GLMN: variants seen among roughly 807,000 people sequenced by gnomAD.
GLMN encodes glomulin, FKBP associated protein, also known as glomulin.
Under a neutral mutation model 87.8 loss-of-function variants are expected in GLMN, and 75 were observed. That is an observed-to-expected ratio of 0.85 (90% confidence interval 0.71 to 1.04). The LOEUF is 1.04. Ranked by LOEUF, GLMN falls within the 50% of genes least tolerant of loss-of-function variation. GLMN has a pLI of 0.00. For synonymous variants in GLMN, 206 were observed against 221.6 expected, an observed-to-expected ratio of 0.93 and a Z score of 0.63; for missense variants, 588 against 658.8, an observed-to-expected ratio of 0.89 and a Z score of 1.18.
intron 6 of GLMN, among the ~76,000 whole-genome samples, chr1:92,287,587 A>G (rs1363115264): frequency 2.0e-5 from 3 of 151,868 alleles, no homozygotes; most frequent in African/African-American, 7.3e-5. Flanking sequence ...GCAATCTCCC[A>G]GCTTGACCTC....
chr1:92,253,757 C>A (rs1018369908), intron 16 of GLMN, among the ~76,000 whole-genome samples: 10 of 152,190 alleles, frequency 6.6e-5, no homozygotes, highest in Non-Finnish European at 1.0e-4. Context: ...AGCAAAAACT[C>A]CACCCAAAGG....
chr1:92,348,324 T>G, the GLMN span, among the ~76,000 whole-genome samples: 500 of 152,384 alleles, frequency 3.3e-3, 7 homozygotes, highest in Non-Finnish European at 4.4e-3. Context: ...ATTGGTCAAC[T>G]GGACAACTAA....
the GLMN span, among the ~76,000 whole-genome samples, chr1:92,363,023 T>A: frequency 6.6e-6 from 1 of 152,302 alleles, no homozygotes; most frequent in East Asian, 1.9e-4. Flanking sequence ...GATAGAAGGT[T>A]ATACATTGAA....
chr1:92,292,247 CCTT>C (rs1458561454), intron 3 of GLMN, among the ~76,000 whole-genome samples: 1 of 55,510 alleles, frequency 1.8e-5, no homozygotes, highest in African/African-American at 1.4e-4. Flanking sequence ...CTCCTAGAGT[CCTT>C]CTTTAAAAGC....
the GLMN span, among the ~76,000 whole-genome samples, chr1:92,358,085 G>A: frequency 2.0e-5 from 3 of 152,106 alleles, no homozygotes; most frequent in African/African-American, 7.2e-5. Context: ...CTGTGTTTTA[G>A]GAAGGTTAGT....
intron 14 of GLMN, among the ~76,000 whole-genome samples, 189 bp downstream of exon 14, chr1:92,264,365 T>C (rs762836397): frequency 2.0e-5 from 3 of 152,028 alleles, no homozygotes; most frequent in African/African-American, 4.8e-5. Flanking sequence ...TTTAAACTTA[T>C]AGTTAACTAA....
chr1:92,343,622 T>G, the GLMN span, among the ~76,000 whole-genome samples: 3 of 152,218 alleles, frequency 2.0e-5, no homozygotes, highest in African/African-American at 7.2e-5. Context: ...TATAATTAAT[T>G]TATTCAAAAA....
At chr1:92,332,068 T>C in the GLMN span, among the ~76,000 whole-genome samples, 1 of 152,020 alleles carries the variant, frequency 6.6e-6, no homozygotes, top group Non-Finnish European at 1.5e-5. Context: ...TTCCCAGTTA[T>C]CTCTTAGATA....
chr1:92,288,776 C>A (rs1282093749), intron 6 of GLMN, 138 bp downstream of exon 6: 32 of 677,878 alleles, frequency 4.7e-5, no homozygotes. Context: ...GCTGTATCAA[C>A]TGAACCCCAC....
the GLMN span, among the ~76,000 whole-genome samples, chr1:92,321,195 G>A: frequency 4.6e-5 from 7 of 152,252 alleles, no homozygotes; most frequent in Admixed American, 1.3e-4. Context: ...GCACAAATAA[G>A]AGATATTTAT....
intron 16 of GLMN, among the ~76,000 whole-genome samples, chr1:92,253,333 T>C (rs1055938935): frequency 2.0e-5 from 3 of 152,144 alleles, no homozygotes; most frequent in African/African-American, 7.2e-5. Context: ...AGGGTGGCTG[T>C]GGGTGCAGCT....
intron 5 of GLMN, 78 bp downstream of exon 5, chr1:92,290,120 A>G: frequency 1.2e-6 from 1 of 830,444 alleles, no homozygotes. Context: ...ACTTTGGTGT[A>G]GTATTGACAT....
At chr1:92,253,825 A>C (rs982743643) in intron 16 of GLMN, among the ~76,000 whole-genome samples, 8 of 152,238 alleles carry the variant, frequency 5.3e-5, no homozygotes, top group African/African-American at 1.4e-4. Flanking sequence ...AAGCAGCGGA[A>C]AAGGGCTGAA....
chr1:92,355,301 G>T, the GLMN span, among the ~76,000 whole-genome samples: 2 of 151,960 alleles, frequency 1.3e-5, no homozygotes, highest in Non-Finnish European at 2.9e-5. Context: ...GTGTAGCCTT[G>T]TACAAGTTAC....
the GLMN span, chr1:92,323,533 G>A: frequency 1.9e-6 from 3 of 1,613,674 alleles, no homozygotes; most frequent in Non-Finnish European, 2.5e-6. Context: ...AAAGCAATAT[G>A]AATCTAGTTC....
the GLMN span, among the ~76,000 whole-genome samples, chr1:92,312,326 T>G: frequency 6.6e-6 from 1 of 151,642 alleles, no homozygotes; most frequent in African/African-American, 2.4e-5. Flanking sequence ...ATGCTGAGAC[T>G]AGAAGATCAC....
chr1:92,257,143 C>A (rs1387426200), intron 16 of GLMN, among the ~76,000 whole-genome samples: 1 of 152,130 alleles, frequency 6.6e-6, no homozygotes, highest in Non-Finnish European at 1.5e-5. Context: ...AGTGAACTCC[C>A]ATTCACAATT....
Position 92,264,456 on chromosome 1 carries a change from C to G in GLMN, c.1299+98G>C. The G allele has an allele frequency of 5.8e-6, 4 of 686,580 alleles. No homozygotes were observed. In the South Asian group the frequency reaches 6.6e-5, roughly 11 times the overall value. The allele number at this position is 686,580 out of a possible 1,614,324, so 42.5% of individuals were successfully genotyped here. A position where few individuals can be genotyped will look rare whatever the true frequency, so the allele number is the denominator to read the frequency against. ...TAATAATATTTAAGTAATAGTAATACTAGAGATAGAGCAATAACTCACATT... is the reference window on the plus strand; with the variant it reads ...TAATAATATTTAAGTAATAGTAATAGTAGAGATAGAGCAATAACTCACATT... On this transcript the variant is annotated intron_variant, in intron 14 of 18. Transcript: ENST00000370360.
At chr1:92,272,847 C>T (rs563037021) in intron 7 of GLMN, among the ~76,000 whole-genome samples, 2 of 152,362 alleles carry the variant, frequency 1.3e-5, no homozygotes, top group South Asian at 2.1e-4. Flanking sequence ...TACCAGAAAG[C>T]ACCTACCTTC....
Sources: gnomAD v4.1 joint callset for allele counts (sites outside exome capture counted in the v4.1 genomes callset) on GRCh38, gnomAD v4.1.1 for gene constraint, MANE v1.5 for transcripts, NCBI Gene and HGNC (gene_info 2026-07-23, HGNC 2026-07-21) for gene names.